NSUN6: variants seen among roughly 807,000 people sequenced by gnomAD.
The protein encoded by NSUN6 is NOP2/Sun RNA methyltransferase 6.
NSUN6 carries 64 observed loss-of-function variants against 58.0 expected under a neutral mutation model. The observed-to-expected ratio is 1.10, with a 90% CI of 0.90 to 1.36. NSUN6 has a LOEUF of 1.36. NSUN6 is among the 40% of genes most tolerant of loss of function. The pLI, the probability that NSUN6 is intolerant of heterozygous loss-of-function variation, is 0.00. For synonymous variants in NSUN6, 231 were observed against 193.9 expected, an observed-to-expected ratio of 1.19 and a Z score of -1.59; for missense variants, 701 against 550.1, an observed-to-expected ratio of 1.27 and a Z score of -2.74.
chr10:18,606,350 T>C (rs1311726640), intron 6 of NSUN6, among the ~76,000 whole-genome samples: 1 of 150,812 alleles, frequency 6.6e-6, no homozygotes, highest in African/African-American at 2.4e-5. Flanking sequence ...ACAAAATACC[T>C]TAGTCTCAAA....
chr10:18,628,640 G>A (rs1369083216), intron 3 of NSUN6, among the ~76,000 whole-genome samples: 1 of 152,192 alleles, frequency 6.6e-6, no homozygotes, highest in East Asian at 1.9e-4. Flanking sequence ...TGATCAACTG[G>A]AAGAAAGGGT....
At chr10:18,597,250 A>AAT (rs1228985455) in intron 6 of NSUN6, among the ~76,000 whole-genome samples, 1 of 152,224 alleles carries the variant, frequency 6.6e-6, no homozygotes, top group Non-Finnish European at 1.5e-5. Flanking sequence ...AATAAAACAG[A>AAT]TAGAACAGTA....
rs1467222180 is a variant in NSUN6 at position 18,561,364 on chromosome 10, G to A, written c.923-9393C>T. 2.6e-5 allele frequency among the ~76,000 whole-genome samples: 2 copies of A among 76,950 alleles called. 1 individual carries two copies. Among genetic ancestry groups the A allele is most frequent in the Non-Finnish European group, 5.4e-5 (2 of 36,994 alleles). The allele number at this position is 76,950 out of a possible 152,430, so 50.5% of individuals were successfully genotyped here. A position where few individuals can be genotyped will look rare whatever the true frequency, so the allele number is the denominator to read the frequency against. On this transcript the variant is annotated intron_variant, in intron 8 of 10. Transcript: ENST00000377304. ...GGAATAGAATGGAGAACGGAATGGA[G>A]AATACAATGGAATGGAATGCAGTGG...
intron 8 of NSUN6, among the ~76,000 whole-genome samples, chr10:18,560,620 G>C (rs1405499532): frequency 1.3e-5 from 2 of 149,274 alleles, no homozygotes; most frequent in Non-Finnish European, 3.0e-5. Context: ...GAATGGAGTA[G>C]AGAATGGAAT....
chr10:18,640,537 T>C (rs1003645825), intron 3 of NSUN6, among the ~76,000 whole-genome samples: 3 of 152,198 alleles, frequency 2.0e-5, no homozygotes, highest in Non-Finnish European at 4.4e-5. Flanking sequence ...TCTGTGATTA[T>C]GGTCTATTAT....
At chr10:18,617,635 C>T (rs150557766) in intron 3 of NSUN6, among the ~76,000 whole-genome samples, 4 of 152,258 alleles carry the variant, frequency 2.6e-5, no homozygotes, top group African/African-American at 7.2e-5. Flanking sequence ...TCTTTTCATC[C>T]TGTTTCCAAT....
chr10:18,615,128 T>TATACACAC (rs562207637), intron 4 of NSUN6, among the ~76,000 whole-genome samples: 1 of 148,004 alleles, frequency 6.8e-6, no homozygotes, highest in African/African-American at 2.5e-5. Flanking sequence ...TATATATATA[T>TATACACAC]ACACACACAT....
At chr10:18,549,658 T>C (rs989637919) in intron 9 of NSUN6, among the ~76,000 whole-genome samples, 22 of 152,294 alleles carry the variant, frequency 1.4e-4, no homozygotes, top group Admixed American at 7.8e-4. Flanking sequence ...TATGAGTATT[T>C]GTTGAATAAA....
At chr10:18,632,106 C>G (rs1319130597) in intron 3 of NSUN6, among the ~76,000 whole-genome samples, 1 of 151,262 alleles carries the variant, frequency 6.6e-6, no homozygotes, top group Non-Finnish European at 1.5e-5. Flanking sequence ...TGCCGCATAT[C>G]TACAACTATC....
intron 3 of NSUN6, among the ~76,000 whole-genome samples, chr10:18,626,941 G>C (rs764213275): frequency 1.3e-5 from 2 of 152,208 alleles, no homozygotes; most frequent in Non-Finnish European, 2.9e-5. Flanking sequence ...ATCAAAAAGG[G>C]AGGAGCACGA....
intron 3 of NSUN6, among the ~76,000 whole-genome samples, chr10:18,626,618 A>C (rs2058816369): frequency 6.6e-6 from 1 of 152,158 alleles, no homozygotes; most frequent in Non-Finnish European, 1.5e-5. Context: ...AAATACAAAA[A>C]TTAGCTCAGC....
At chr10:18,592,479 G>C (rs534265403) in intron 7 of NSUN6, among the ~76,000 whole-genome samples, 4 of 152,232 alleles carry the variant, frequency 2.6e-5, no homozygotes, top group African/African-American at 9.6e-5. Context: ...TATATTACAA[G>C]GCTACAGTAG....
chr10:18,653,733 C>T (rs2059746583), upstream of NSUN6, among the ~76,000 whole-genome samples: 1 of 152,132 alleles, frequency 6.6e-6, no homozygotes, highest in Non-Finnish European at 1.5e-5. Flanking sequence ...GAAGATATCT[C>T]TTGGGATTCT....
At chr10:18,619,102 T>C (rs761106471) in intron 3 of NSUN6, among the ~76,000 whole-genome samples, 16 of 152,216 alleles carry the variant, frequency 1.1e-4, no homozygotes, top group Non-Finnish European at 1.2e-4. Context: ...TTATTATATA[T>C]GCTGATTCTT....
At chr10:18,550,941 G>A (rs532348852) in intron 9 of NSUN6, among the ~76,000 whole-genome samples, 3 of 152,106 alleles carry the variant, frequency 2.0e-5, no homozygotes, top group Admixed American at 2.0e-4. Context: ...GGCCAGGCTG[G>A]TCTCGAACTC....
chr10:18,563,855 CTTCCATTCCATA>C (rs552533728), intron 8 of NSUN6, among the ~76,000 whole-genome samples: 7,296 of 149,536 alleles, frequency 0.049, 271 homozygotes, highest in Non-Finnish European at 0.078. Flanking sequence ...TCAATCCTCC[CTTCCATTCCATA>C]TTCCATTCCA....
At chr10:18,554,418 TG>T (rs1409839746) in intron 8 of NSUN6, among the ~76,000 whole-genome samples, 2 of 143,958 alleles carry the variant, frequency 1.4e-5, no homozygotes, top group African/African-American at 5.2e-5. Flanking sequence ...GAATAGAGAA[TG>T]GAATGGAACG....
chr10:18,641,888 G>A (rs1247438403), intron 3 of NSUN6, among the ~76,000 whole-genome samples: 2 of 152,042 alleles, frequency 1.3e-5, no homozygotes, highest in East Asian at 3.9e-4. Context: ...GGGACACATA[G>A]TGTGACTGTT....
chr10:18,582,403 C>T (rs1292318398), intron 8 of NSUN6, among the ~76,000 whole-genome samples: 1 of 152,160 alleles, frequency 6.6e-6, no homozygotes, highest in Non-Finnish European at 1.5e-5. Context: ...TCAGCACACT[C>T]TTGAAAATAA....
Sources: gnomAD v4.1 joint callset for allele counts (sites outside exome capture counted in the v4.1 genomes callset) on GRCh38, gnomAD v4.1.1 for gene constraint, MANE v1.5 for transcripts, NCBI Gene and HGNC (gene_info 2026-07-23, HGNC 2026-07-21) for gene names.